The following WDPCP variants were observed in gnomAD, a reference collection of about 807,000 sequenced individuals.
WDPCP encodes WD repeat containing planar cell polarity effector, also known as WD repeat-containing and planar cell polarity effector protein fritz homolog.
Under a neutral mutation model 93.1 loss-of-function variants are expected in WDPCP, and 71 were observed. The observed-to-expected ratio is 0.76, with a 90% confidence interval of 0.63 to 0.93. WDPCP has a LOEUF of 0.93. Among genes scored for constraint, WDPCP ranks in the 40% least tolerant of loss-of-function variants. The probability of loss-of-function intolerance (pLI) is 0.00; values close to 1 mark genes in which losing one functional copy is unlikely to be tolerated. For missense variants in WDPCP, 844 were observed against 887.4 expected (o/e 0.95, Z 0.62); for synonymous variants, 315 against 315.0 (o/e 1.00, Z 0.00).
intron 1 of WDPCP, among the ~76,000 whole-genome samples, chr2:63,508,266 T>C (rs565081780): frequency 3.9e-5 from 6 of 152,134 alleles, no homozygotes; most frequent in South Asian, 4.2e-4. Flanking sequence ...CCAGAAGAGA[T>C]TGGGGGCTAA....
At chr2:63,474,562 T>C (rs1161730889) in intron 6 of WDPCP, among the ~76,000 whole-genome samples, 3 of 152,110 alleles carry the variant, frequency 2.0e-5, no homozygotes, top group African/African-American at 7.2e-5. Flanking sequence ...ATCTCCTGAG[T>C]GGAAAAAGTA....
chr2:63,753,209 G>A (rs982782639), intron 2 of WDPCP, among the ~76,000 whole-genome samples: 1 of 151,952 alleles, frequency 6.6e-6, no homozygotes, highest in African/African-American at 2.4e-5. Flanking sequence ...AGGCGGGCGG[G>A]TCACCAAGGT....
chr2:63,671,482 C>A (rs1189560181), intron 2 of WDPCP, among the ~76,000 whole-genome samples: 11 of 152,142 alleles, frequency 7.2e-5, no homozygotes, highest in Non-Finnish European at 1.6e-4. Context: ...GCTTTATTAG[C>A]CGATGCTCAC....
chr2:63,454,699 C>T (rs1575451373), intron 6 of WDPCP, among the ~76,000 whole-genome samples: 2 of 152,202 alleles, frequency 1.3e-5, no homozygotes, highest in South Asian at 2.1e-4. Flanking sequence ...GACATCCAGA[C>T]ACTGGCGATC....
At chr2:63,390,245 C>G (rs1005595270) in intron 10 of WDPCP, among the ~76,000 whole-genome samples, 1 of 152,106 alleles carries the variant, frequency 6.6e-6, no homozygotes, top group African/African-American at 2.4e-5. Context: ...AAGAAACTCA[C>G]TCAAAACCGC....
chr2:63,801,432 G>A (rs1004833879), intron 2 of WDPCP, among the ~76,000 whole-genome samples: 3 of 152,132 alleles, frequency 2.0e-5, no homozygotes, highest in East Asian at 1.9e-4. Context: ...AAAGAGTGAG[G>A]AGCAGCAAGA....
intron 15 of WDPCP, among the ~76,000 whole-genome samples, chr2:63,168,105 G>A (rs1673120218): frequency 1.2e-5 from 1 of 84,756 alleles, no homozygotes; most frequent in Non-Finnish European, 2.3e-5. Context: ...GTGAGACCCT[G>A]CCAAAAAAAA....
chr2:63,415,881 T>A (rs758418657), intron 9 of WDPCP, among the ~76,000 whole-genome samples: 1 of 152,206 alleles, frequency 6.6e-6, no homozygotes, highest in Non-Finnish European at 1.5e-5. Flanking sequence ...AGCTTGTGCT[T>A]TTTGTCCAGT....
At chr2:63,217,441 G>T (rs759592611) in intron 14 of WDPCP, among the ~76,000 whole-genome samples, 2 of 152,100 alleles carry the variant, frequency 1.3e-5, no homozygotes, top group Non-Finnish European at 2.9e-5. Flanking sequence ...GAAAAGCTGG[G>T]TGTATTAGTA....
At chr2:63,771,650 C>G (rs541384092) in intron 2 of WDPCP, among the ~76,000 whole-genome samples, 95 of 151,986 alleles carry the variant, frequency 6.3e-4, no homozygotes, top group African/African-American at 2.2e-3. Context: ...TCCTGTCACC[C>G]AGGTAGCAAG....
intron 1 of WDPCP, among the ~76,000 whole-genome samples, chr2:63,578,115 A>G (rs1416696772): frequency 1.3e-5 from 2 of 152,216 alleles, no homozygotes; most frequent in Non-Finnish European, 2.9e-5. Flanking sequence ...TGTTATATTT[A>G]TATCTCTTAA....
intron 14 of WDPCP, among the ~76,000 whole-genome samples, chr2:63,185,397 C>G (rs910700999): frequency 2.6e-5 from 4 of 151,794 alleles, no homozygotes; most frequent in African/African-American, 7.3e-5. Context: ...GACTTCCCCC[C>G]CTCTCCCCCA....
intron 14 of WDPCP, among the ~76,000 whole-genome samples, chr2:63,183,758 A>G (rs1674419348): frequency 6.6e-6 from 1 of 152,008 alleles, no homozygotes; most frequent in Non-Finnish European, 1.5e-5. Context: ...ATTGCTGTCT[A>G]TCTCTTTATG....
At chr2:63,508,804 T>C (rs190112538) in intron 1 of WDPCP, among the ~76,000 whole-genome samples, 1 of 152,020 alleles carries the variant, frequency 6.6e-6, no homozygotes, top group African/African-American at 2.4e-5. Context: ...CAAAACAGAC[T>C]TTAAACCAAC....
intron 13 of WDPCP, 94 bp downstream of exon 13, chr2:63,313,154 G>A (rs1014863594): frequency 3.4e-6 from 4 of 1,193,350 alleles, no homozygotes; most frequent in South Asian, 1.3e-5. Flanking sequence ...TGTGTCTAAG[G>A]CTGCAAAATG....
At chr2:63,759,324 G>C (rs547350498) in intron 2 of WDPCP, among the ~76,000 whole-genome samples, 17 of 152,240 alleles carry the variant, frequency 1.1e-4, no homozygotes, top group African/African-American at 4.1e-4. Flanking sequence ...TCTGTATGGA[G>C]GCAGTAAGCT....
In WDPCP at chr2:63,420,875, G is replaced by A. The variant is rs115168766; in HGVS notation, c.825+12870C>T. On this transcript the variant is annotated intron_variant, in intron 9 of 17. Transcript: ENST00000272321. ...CACCACAAGATGTTTTCATTTTCCT[G>A]TTGGTAGGCATTTAAGTTGTTTCTA... Among the ~76,000 whole-genome samples the A allele has an allele frequency of 5.4e-3, 825 of 152,234 alleles. 6 individuals are homozygous for A. The highest frequency in any genetic ancestry group is 0.01 in the Middle Eastern group (3 of 294).
At position 63,724,755 on chromosome 2, in the gene WDPCP, G is replaced by A. The variant is rs913872231; in HGVS notation, n.309-73917C>T. On this transcript the variant is annotated intron_variant and non_coding_transcript_variant, in intron 2 of 4. Transcript: ENST00000467687. ...AAGCAATTTAGAAAGCTCTGAAACT[G>A]TAACTAGTAACACTAGCCTCTCTTG... Among the ~76,000 whole-genome samples, 5 of 152,180 alleles carry A rather than the reference G, an allele frequency of 3.3e-5. No individual in the cohort carries two copies. In the South Asian group the frequency reaches 6.2e-4, roughly 19 times the overall value.
intron 14 of WDPCP, among the ~76,000 whole-genome samples, chr2:63,200,254 G>A (rs1212006357): frequency 1.3e-5 from 2 of 152,162 alleles, no homozygotes; most frequent in Admixed American, 6.5e-5. Flanking sequence ...ATGTAATTTA[G>A]TACATCCACT....
Sources: gnomAD v4.1 joint callset for allele counts (sites outside exome capture counted in the v4.1 genomes callset) on GRCh38, gnomAD v4.1.1 for gene constraint, MANE v1.5 for transcripts, NCBI Gene and HGNC (gene_info 2026-07-23, HGNC 2026-07-21) for gene names.